Variants in MAML3 observed in about 807,000 individuals in gnomAD.
MAML3 encodes mastermind-like protein 3.
MAML3 carries 27 observed loss-of-function variants against 101.9 expected under a neutral mutation model. The observed-to-expected ratio is 0.27, with a 90% CI of 0.20 to 0.37. The LOEUF is 0.37. Ranked by LOEUF, MAML3 falls within the 10% of genes least tolerant of loss-of-function variation. The pLI is 1.00. For synonymous variants in MAML3, 501 were observed against 555.9 expected (o/e 0.90, Z 1.39); for missense variants, 1,316 against 1,444.9 (o/e 0.91, Z 1.45).
At chr4:139,877,296 C>A (rs1023021905) in intron 2 of MAML3, among the ~76,000 whole-genome samples, 4 of 130,566 alleles carry the variant, frequency 3.1e-5, no homozygotes, top group Non-Finnish European at 7.1e-5. Context: ...GCCCAGGAAC[C>A]AAAATATAAT....
chr4:140,138,150 A>G (rs1435662526), intron 1 of MAML3, among the ~76,000 whole-genome samples: 1 of 152,182 alleles, frequency 6.6e-6, no homozygotes, highest in Admixed American at 6.5e-5. Flanking sequence ...CCAAGTCACC[A>G]TTTCATGTTC....
At chr4:139,850,537 C>A (rs1439423030) in intron 2 of MAML3, among the ~76,000 whole-genome samples, 1 of 148,584 alleles carries the variant, frequency 6.7e-6, no homozygotes, top group Admixed American at 6.6e-5. Context: ...CTTATATATT[C>A]TTCTTTTTTT....
chr4:139,933,791 C>A (rs573793967), intron 1 of MAML3, among the ~76,000 whole-genome samples: 1 of 152,160 alleles, frequency 6.6e-6, no homozygotes, highest in East Asian at 1.9e-4. Context: ...AGAACCCTTC[C>A]GCTTCCTGAG....
At chr4:140,011,405 C>T (rs61017019) in intron 1 of MAML3, among the ~76,000 whole-genome samples, 5 of 130,048 alleles carry the variant, frequency 3.8e-5, no homozygotes, top group Admixed American at 9.2e-5. Flanking sequence ...ACTGCAGTGG[C>T]GCAATCTCGG....
intron 2 of MAML3, among the ~76,000 whole-genome samples, chr4:139,841,357 A>C (rs1044945566): frequency 5.7e-4 from 87 of 152,238 alleles, no homozygotes; most frequent in African/African-American, 2.0e-3. Context: ...TGCTATGTCC[A>C]GCTCTTTCTC....
chr4:140,152,582 C>G (rs1027212110), intron 1 of MAML3, among the ~76,000 whole-genome samples: 1 of 151,858 alleles, frequency 6.6e-6, no homozygotes, highest in Non-Finnish European at 1.5e-5. Context: ...GCACCTCACT[C>G]CGACGCTCCT....
chr4:139,883,557 T>TG (rs1266637459), intron 2 of MAML3, among the ~76,000 whole-genome samples: 6 of 152,108 alleles, frequency 3.9e-5, no homozygotes, highest in African/African-American at 1.2e-4. Context: ...AGACTGTGTG[T>TG]GGGGGGGTTG....
intron 2 of MAML3, among the ~76,000 whole-genome samples, chr4:139,799,262 T>C (rs887275263): frequency 1.3e-5 from 2 of 152,226 alleles, no homozygotes; most frequent in African/African-American, 2.4e-5. Flanking sequence ...AGCAAATCAC[T>C]TTTATGAGTG....
At chr4:140,052,585 A>G (rs1208454106) in intron 1 of MAML3, among the ~76,000 whole-genome samples, 1 of 145,524 alleles carries the variant, frequency 6.9e-6, no homozygotes, top group Non-Finnish European at 1.5e-5. Context: ...CCCAAGCTGG[A>G]GTGCAGTGGT....
intron 1 of MAML3, among the ~76,000 whole-genome samples, chr4:139,935,213 CTT>C (rs576839308): frequency 4.4e-4 from 58 of 130,968 alleles, no homozygotes; most frequent in African/African-American, 1.6e-3. Flanking sequence ...CAAGACACCT[CTT>C]TTTTTTTTTT....
Position 140,136,849 on chromosome 4 carries a change from GGTTAAA to G in MAML3, c.468+16005_468+16010del, listed in dbSNP as rs200821979. On this transcript the variant is annotated intron_variant, in intron 1 of 4. Transcript: ENST00000509479. ...TGATAAACAATGATGCTAAGAAAGA[GGTTAAA>G]GTTAAAGGGCTATGTGAACAACCTT... Among the ~76,000 whole-genome samples the G allele has an allele frequency of 7.1e-3, 1,083 of 152,362 alleles. 15 individuals are homozygous for G. Among genetic ancestry groups the G allele is most frequent in the African/African-American group, 0.025 (1,034 of 41,592 alleles).
intron 1 of MAML3, among the ~76,000 whole-genome samples, chr4:140,038,371 T>G (rs868663263): frequency 6.6e-6 from 1 of 152,224 alleles, no homozygotes. Flanking sequence ...ATATTTGGAC[T>G]GATAAAAGCA....
intron 1 of MAML3, among the ~76,000 whole-genome samples, chr4:139,915,998 A>G (rs1283925836): frequency 6.6e-6 from 1 of 152,178 alleles, no homozygotes; most frequent in African/African-American, 2.4e-5. Context: ...ATACCAGGCA[A>G]ATTCAAGATC....
At chr4:139,900,507 A>C (rs1732697240) in intron 1 of MAML3, among the ~76,000 whole-genome samples, 1 of 152,220 alleles carries the variant, frequency 6.6e-6, no homozygotes, top group African/African-American at 2.4e-5. Flanking sequence ...TTCCAAATAC[A>C]TAAATGTTTT....
At chr4:140,011,954 C>T (rs964310189) in intron 1 of MAML3, among the ~76,000 whole-genome samples, 3 of 151,816 alleles carry the variant, frequency 2.0e-5, no homozygotes, top group Non-Finnish European at 4.4e-5. Flanking sequence ...ATTAAAAGTT[C>T]CAAATTAGTA....
chr4:140,042,963 C>T (rs756245008), intron 1 of MAML3, among the ~76,000 whole-genome samples: 2 of 152,084 alleles, frequency 1.3e-5, no homozygotes, highest in African/African-American at 2.4e-5. Flanking sequence ...TGGTGTAATG[C>T]CCTTACAGGC....
At chr4:139,760,151 A>G (rs1181435209) in intron 2 of MAML3, among the ~76,000 whole-genome samples, 1 of 152,250 alleles carries the variant, frequency 6.6e-6, no homozygotes, top group African/African-American at 2.4e-5. Context: ...ATCTAGAAAG[A>G]GTTCTCTAAC....
chr4:140,124,438 T>C (rs11943434), intron 1 of MAML3, among the ~76,000 whole-genome samples: 7,574 of 152,206 alleles, frequency 0.05, 648 homozygotes, highest in African/African-American at 0.17. Context: ...TAGGTATGGC[T>C]GGGAGAGTTT....
chr4:139,825,989 G>C (rs776394282), intron 2 of MAML3, among the ~76,000 whole-genome samples: 3 of 152,188 alleles, frequency 2.0e-5, no homozygotes, highest in Non-Finnish European at 4.4e-5. Flanking sequence ...TTTGGGAGCA[G>C]TTTCGTGTTT....
Sources: allele counts gnomAD v4.1 joint callset (sites outside exome capture counted in the v4.1 genomes callset), GRCh38; gene constraint gnomAD v4.1.1; transcripts MANE v1.5; gene names NCBI Gene and HGNC (gene_info 2026-07-23, HGNC 2026-07-21).